Variants in EDIL3 observed in about 807,000 individuals in gnomAD.
EDIL3 encodes the protein EGF-like repeat and discoidin I-like domain-containing protein 3.
EDIL3 carries 37 observed loss-of-function variants against 67.4 expected under a neutral mutation model. The observed-to-expected ratio is 0.55, with a 90% CI of 0.42 to 0.72. The LOEUF is 0.72. Ranked by LOEUF, EDIL3 falls within the 30% of genes least tolerant of loss-of-function variation. EDIL3 has a pLI of 0.00. For missense variants in EDIL3, 527 were observed against 586.3 expected (o/e 0.90, Z 1.04); for synonymous variants, 195 against 196.3 (o/e 0.99, Z 0.05).
At chr5:84,346,574 G>T (rs899892383) in intron 1 of EDIL3, among the ~76,000 whole-genome samples, 1 of 152,064 alleles carries the variant, frequency 6.6e-6, no homozygotes, top group African/African-American at 2.4e-5. Flanking sequence ...TTTTAGTTTT[G>T]CCTGCTTGAC....
intron 9 of EDIL3, among the ~76,000 whole-genome samples, chr5:83,990,114 A>G (rs1209118933): frequency 6.6e-6 from 1 of 152,212 alleles, no homozygotes; most frequent in Non-Finnish European, 1.5e-5. Context: ...CAATAAAGCC[A>G]GGTCTGGACT....
intron 9 of EDIL3, among the ~76,000 whole-genome samples, chr5:84,030,849 G>C (rs1745907380): frequency 6.6e-6 from 1 of 152,096 alleles, no homozygotes; most frequent in Non-Finnish European, 1.5e-5. Context: ...CTGTATGCTT[G>C]ACTAGAGTCA....
At chr5:83,982,963 T>C (rs1034892943) in intron 9 of EDIL3, among the ~76,000 whole-genome samples, 10 of 152,282 alleles carry the variant, frequency 6.6e-5, no homozygotes, top group Middle Eastern at 3.4e-3. Context: ...GTTTCCCAAA[T>C]TGTACACTCT....
intron 9 of EDIL3, among the ~76,000 whole-genome samples, chr5:83,980,196 G>A (rs561893236): frequency 6.6e-6 from 1 of 151,286 alleles, no homozygotes; most frequent in South Asian, 2.1e-4. Flanking sequence ...TTGCTGTCCT[G>A]AGATTGTACC....
At chr5:84,069,758 G>A (rs1312756770) in intron 6 of EDIL3, among the ~76,000 whole-genome samples, 2 of 152,106 alleles carry the variant, frequency 1.3e-5, no homozygotes, top group South Asian at 2.1e-4. Flanking sequence ...CTGTGCCCAC[G>A]GATCTAGGTG....
intron 6 of EDIL3, among the ~76,000 whole-genome samples, chr5:84,092,118 T>C (rs1447961244): frequency 2.0e-5 from 3 of 152,146 alleles, no homozygotes; most frequent in Non-Finnish European, 2.9e-5. Context: ...TGAAGAGATA[T>C]CAAGACGGAA....
In EDIL3 at chr5:84,138,854, A is replaced by C. The variant is rs111696822; in HGVS notation, c.356-1500T>G. ...TAATTCATGACTGTGTTCAGAAAAA[A>C]TAAAAATAATTTGAGTACCTCATAA... On this transcript the variant is annotated intron_variant, in intron 4 of 10. Coordinates refer to ENST00000296591, the MANE Select transcript of EDIL3 (RefSeq NM_005711.5). 2.3e-3 allele frequency among the ~76,000 whole-genome samples: 355 copies of C among 152,312 alleles called. 2 individuals are homozygous for C. The highest frequency in any genetic ancestry group is 7.6e-3 in the African/African-American group (314 of 41,586).
intron 9 of EDIL3, 146 bp downstream of exon 9, chr5:84,060,154 T>C (rs1048130781): frequency 1.0e-5 from 10 of 966,400 alleles, no homozygotes; most frequent in Non-Finnish European, 1.2e-5. Context: ...TCATAAGGAA[T>C]TTGTGTTTTA....
At chr5:83,977,045 C>T (rs761614872) in intron 9 of EDIL3, among the ~76,000 whole-genome samples, 20 of 151,702 alleles carry the variant, frequency 1.3e-4, no homozygotes, top group East Asian at 3.9e-4. Flanking sequence ...GTGTGAGGAA[C>T]GTTCTTATAC....
chr5:84,267,729 C>CA (rs1029458091), intron 1 of EDIL3, among the ~76,000 whole-genome samples: 11 of 150,876 alleles, frequency 7.3e-5, no homozygotes, highest in Admixed American at 1.3e-4. Flanking sequence ...GCTCTCTTAC[C>CA]AAAAAAAAGA....
chr5:84,168,799 T>C (rs112890004), intron 4 of EDIL3, among the ~76,000 whole-genome samples: 20 of 152,336 alleles, frequency 1.3e-4, no homozygotes, highest in African/African-American at 4.8e-4. Flanking sequence ...CACCTGAACC[T>C]ATTCTTTGCC....
chr5:84,181,531 C>G (rs1749012875), intron 3 of EDIL3, among the ~76,000 whole-genome samples: 1 of 152,210 alleles, frequency 6.6e-6, no homozygotes. Flanking sequence ...TTCTCTCCTT[C>G]CTTTTCTCCC....
At chr5:84,316,584 A>T (rs568945871) in intron 1 of EDIL3, among the ~76,000 whole-genome samples, 84 of 152,310 alleles carry the variant, frequency 5.5e-4, no homozygotes, top group African/African-American at 1.9e-3. Context: ...TATGCACCCC[A>T]TACAGGAGCA....
chr5:84,312,006 G>C (rs1054177418), intron 1 of EDIL3, among the ~76,000 whole-genome samples: 6 of 152,082 alleles, frequency 3.9e-5, no homozygotes, highest in African/African-American at 1.4e-4. Flanking sequence ...TCCTTTCCCC[G>C]CCTTTCCCCA....
chr5:83,996,846 T>C (rs1018677401), intron 9 of EDIL3, among the ~76,000 whole-genome samples: 20 of 152,200 alleles, frequency 1.3e-4, no homozygotes, highest in Admixed American at 1.3e-4. Flanking sequence ...GCAACTGATA[T>C]AAATACAGAA....
At chr5:84,186,491 G>A (rs1056533848) in intron 3 of EDIL3, among the ~76,000 whole-genome samples, 8 of 151,974 alleles carry the variant, frequency 5.3e-5, no homozygotes, top group African/African-American at 1.9e-4. Flanking sequence ...ATCCAGTTTG[G>A]GTATCTCATT....
At chr5:84,002,288 T>A (rs1473905850) in intron 9 of EDIL3, among the ~76,000 whole-genome samples, 1 of 150,888 alleles carries the variant, frequency 6.6e-6, no homozygotes, top group Non-Finnish European at 1.5e-5. Flanking sequence ...CCTCAACATA[T>A]AATAATAAAA....
At chr5:84,055,138 C>T (rs931881779) in intron 9 of EDIL3, among the ~76,000 whole-genome samples, 1 of 145,796 alleles carries the variant, frequency 6.9e-6, no homozygotes, top group South Asian at 2.2e-4. Context: ...AGAACAGAGC[C>T]CTCAGAAATA....
chr5:84,371,910 C>T (rs1747863630), intron 1 of EDIL3, among the ~76,000 whole-genome samples: 1 of 151,998 alleles, frequency 6.6e-6, no homozygotes, highest in African/African-American at 2.4e-5. Context: ...CTTTAGAACC[C>T]CAATTCAAAC....
Sources: gnomAD v4.1 joint callset for allele counts (sites outside exome capture counted in the v4.1 genomes callset) on GRCh38, gnomAD v4.1.1 for gene constraint, MANE v1.5 for transcripts, NCBI Gene and HGNC (gene_info 2026-07-23, HGNC 2026-07-21) for gene names.